EBF2: variants seen among roughly 807,000 people sequenced by gnomAD.
The protein encoded by EBF2 is transcription factor COE2.
Under a neutral mutation model 72.8 loss-of-function variants are expected in EBF2, and 21 were observed. The observed-to-expected ratio is 0.29, with a 90% CI of 0.20 to 0.42. EBF2 has a LOEUF of 0.42. Among genes scored for constraint, EBF2 ranks in the 10% least tolerant of loss-of-function variants. EBF2 has a pLI of 1.00. For synonymous variants in EBF2, 299 were observed against 274.2 expected, an observed-to-expected ratio of 1.09 and a Z score of -0.89; for missense variants, 637 against 731.2, an observed-to-expected ratio of 0.87 and a Z score of 1.49.
At chr8:25,988,817 C>T (rs188038840) in intron 6 of EBF2, among the ~76,000 whole-genome samples, 1 of 152,272 alleles carries the variant, frequency 6.6e-6, no homozygotes, top group Admixed American at 6.5e-5. Flanking sequence ...AATTGATTTG[C>T]CCCAAGTCGC....
At chr8:25,927,630 C>A (rs1261082502) in intron 6 of EBF2, among the ~76,000 whole-genome samples, 1 of 152,062 alleles carries the variant, frequency 6.6e-6, no homozygotes. Flanking sequence ...TTAAACCTCA[C>A]AGGAGCTTCC....
chr8:26,037,092 A>C (rs765266239), intron 5 of EBF2, among the ~76,000 whole-genome samples: 1 of 152,108 alleles, frequency 6.6e-6, no homozygotes, highest in Non-Finnish European at 1.5e-5. Context: ...TATTTGGAGA[A>C]TCTTTTACTT....
chr8:25,845,918 TTC>T (rs796670991), intron 15 of EBF2, among the ~76,000 whole-genome samples: 28 of 152,294 alleles, frequency 1.8e-4, no homozygotes, highest in African/African-American at 5.5e-4. Context: ...ATGGCTGAAA[TTC>T]TCTCTGCTTT....
intron 6 of EBF2, among the ~76,000 whole-genome samples, chr8:25,981,013 CCCAG>C (rs1369728082): frequency 6.6e-6 from 1 of 152,048 alleles, no homozygotes; most frequent in African/African-American, 2.4e-5. Flanking sequence ...AGTTTTGGTT[CCCAG>C]CTCCAGGAAT....
Position 25,859,734 on chromosome 8 carries a change from T to TTTTTG in EBF2, c.1343-1231_1343-1230insCAAAA, listed in dbSNP as rs1183390975. On this transcript the variant is annotated intron_variant, in intron 13 of 15. Transcript: ENST00000520164. Reference sequence around the variant, plus strand: ...GTCCTGTCTAGTCTTTTTTTTTTTTTGAGACAAGATCTCACTCTGTTGCCC... The same window carrying TTTTTG: ...GTCCTGTCTAGTCTTTTTTTTTTTTTTTTTGGAGACAAGATCTCACTCTGTTGCCC... Among the ~76,000 whole-genome samples, 113 of 151,216 alleles carry TTTTTG rather than the reference T, an allele frequency of 7.5e-4. 1 individual carries two copies. The highest frequency in any genetic ancestry group is 2.7e-3 in the African/African-American group (111 of 40,708).
chr8:25,942,709 G>A (rs2117158870), intron 6 of EBF2, among the ~76,000 whole-genome samples: 2 of 152,354 alleles, frequency 1.3e-5, no homozygotes, highest in Admixed American at 1.3e-4. Flanking sequence ...TTCCTTGACA[G>A]TAAAGTGAGG....
intron 6 of EBF2, among the ~76,000 whole-genome samples, chr8:25,916,623 A>G (rs754646338): frequency 5.3e-5 from 8 of 152,126 alleles, no homozygotes; most frequent in Non-Finnish European, 1.2e-4. Context: ...CTTAATTTTT[A>G]AGAGAGAGAT....
chr8:26,024,633 T>C (rs1336612908), intron 6 of EBF2, among the ~76,000 whole-genome samples: 1 of 152,146 alleles, frequency 6.6e-6, no homozygotes, highest in Non-Finnish European at 1.5e-5. Flanking sequence ...GGCAGTAGAC[T>C]CAATCACCCA....
At chr8:25,992,352 A>T (rs1178543098) in intron 6 of EBF2, among the ~76,000 whole-genome samples, 1 of 150,844 alleles carries the variant, frequency 6.6e-6, no homozygotes, top group Admixed American at 6.6e-5. Context: ...AAAAAAAAAA[A>T]AAAAAGCAAA....
At chr8:25,909,683 TTTTG>T (rs1468224555) in intron 6 of EBF2, among the ~76,000 whole-genome samples, 25 of 152,344 alleles carry the variant, frequency 1.6e-4, no homozygotes, top group African/African-American at 6.0e-4. Flanking sequence ...GATTTTTATT[TTTTG>T]TTTAACAATC....
At chr8:25,920,419 A>T (rs1173088761) in intron 6 of EBF2, among the ~76,000 whole-genome samples, 1 of 152,210 alleles carries the variant, frequency 6.6e-6, no homozygotes, top group African/African-American at 2.4e-5. Context: ...GAGAGTCAGA[A>T]AAAGCTAGGC....
chr8:25,887,549 GT>G (rs952876559), intron 9 of EBF2, among the ~76,000 whole-genome samples: 5 of 151,722 alleles, frequency 3.3e-5, no homozygotes, highest in Admixed American at 2.6e-4. Context: ...TGTTGTCCTT[GT>G]TTTTTTTCTG....
chr8:25,889,342 C>G (rs1802739860), intron 8 of EBF2, among the ~76,000 whole-genome samples: 1 of 152,136 alleles, frequency 6.6e-6, no homozygotes, highest in Non-Finnish European at 1.5e-5. Flanking sequence ...TCCAAGCAAA[C>G]AAAAATCAAT....
At chr8:26,028,069 G>A (rs1487640604) in intron 6 of EBF2, among the ~76,000 whole-genome samples, 17 of 152,128 alleles carry the variant, frequency 1.1e-4, no homozygotes, top group Admixed American at 1.1e-3. Flanking sequence ...CAATGTGGAT[G>A]TATTTCATGC....
intron 6 of EBF2, among the ~76,000 whole-genome samples, chr8:25,961,978 G>T (rs1804042056): frequency 6.6e-6 from 1 of 152,142 alleles, no homozygotes; most frequent in Non-Finnish European, 1.5e-5. Flanking sequence ...TTCCACAGTT[G>T]TAGCATGTCC....
At chr8:25,898,969 G>A (rs1293973894) in intron 7 of EBF2, among the ~76,000 whole-genome samples, 2 of 152,214 alleles carry the variant, frequency 1.3e-5, no homozygotes, top group Non-Finnish European at 2.9e-5. Flanking sequence ...GCTAACTGCA[G>A]TCTGACATAT....
intron 6 of EBF2, among the ~76,000 whole-genome samples, chr8:25,952,819 A>C (rs1803885556): frequency 6.6e-6 from 1 of 152,208 alleles, no homozygotes; most frequent in African/African-American, 2.4e-5. Flanking sequence ...ATATCAAATA[A>C]CATAGCTTTG....
At chr8:25,979,997 A>G (rs918327983) in intron 6 of EBF2, among the ~76,000 whole-genome samples, 27 of 152,084 alleles carry the variant, frequency 1.8e-4, no homozygotes, top group Non-Finnish European at 3.2e-4. Flanking sequence ...ATGAAAAGGA[A>G]AAAAAAAGCT....
chr8:25,935,269 A>G (rs577347193), intron 6 of EBF2, among the ~76,000 whole-genome samples: 88 of 151,906 alleles, frequency 5.8e-4, no homozygotes, highest in Admixed American at 1.1e-3. Context: ...AAAGGGGGGG[A>G]AAAGCAAGTC....
Sources: allele counts gnomAD v4.1 joint callset (sites outside exome capture counted in the v4.1 genomes callset), GRCh38; gene constraint gnomAD v4.1.1; transcripts MANE v1.5; gene names NCBI Gene and HGNC (gene_info 2026-07-23, HGNC 2026-07-21).